FOXP2: variants seen among roughly 807,000 people sequenced by gnomAD.
FOXP2 encodes the protein forkhead box protein P2.
Under a neutral mutation model 115.8 loss-of-function variants are expected in FOXP2, and 12 were observed. The ratio of observed to expected loss-of-function variants is 0.10; its 90% CI spans 0.07 to 0.17. The LOEUF is 0.17. Ranked by LOEUF, FOXP2 falls within the 10% of genes least tolerant of loss-of-function variation. The pLI is 1.00. For synonymous variants in FOXP2, 328 were observed against 297.7 expected, an observed-to-expected ratio of 1.10 and a Z score of -1.05; for missense variants, 629 against 843.5, an observed-to-expected ratio of 0.75 and a Z score of 3.15.
At chr7:114,654,434 T>TA (rs1806459390) in intron 10 of FOXP2, among the ~76,000 whole-genome samples, 1 of 152,196 alleles carries the variant, frequency 6.6e-6, no homozygotes, top group African/African-American at 2.4e-5. Flanking sequence ...TTTTATCAAA[T>TA]ATTTTGTCAT....
At chr7:114,639,263 G>A (rs1031104544) in intron 6 of FOXP2, among the ~76,000 whole-genome samples, 1 of 152,100 alleles carries the variant, frequency 6.6e-6, no homozygotes, top group African/African-American at 2.4e-5. Context: ...TATTCATATA[G>A]AGTATGCCCT....
At chr7:114,565,255 C>G (rs1800955001) in intron 3 of FOXP2, among the ~76,000 whole-genome samples, 1 of 152,066 alleles carries the variant, frequency 6.6e-6, no homozygotes, top group Non-Finnish European at 1.5e-5. Flanking sequence ...ATTTTCCAAT[C>G]TCCTTTGGAT....
chr7:114,522,322 C>T (rs1236374338), intron 2 of FOXP2, among the ~76,000 whole-genome samples: 4 of 152,058 alleles, frequency 2.6e-5, no homozygotes, highest in African/African-American at 9.7e-5. Flanking sequence ...GTTTTTTCTA[C>T]CAGCCTGAGT....
chr7:114,330,518 A>G (rs1207980544), intron 2 of FOXP2, among the ~76,000 whole-genome samples: 1 of 148,912 alleles, frequency 6.7e-6, no homozygotes, highest in African/African-American at 2.5e-5. Flanking sequence ...ATATATGTAC[A>G]CACACACAAT....
At chr7:114,540,977 G>A (rs75819533) in intron 3 of FOXP2, among the ~76,000 whole-genome samples, 9,684 of 152,118 alleles carry the variant, frequency 0.064, 416 homozygotes, top group Middle Eastern at 0.15. Flanking sequence ...GTTTTTTGAT[G>A]AGGAAGTGAA....
intron 2 of FOXP2, among the ~76,000 whole-genome samples, chr7:114,350,821 A>G (rs1221262673): frequency 6.6e-6 from 1 of 152,148 alleles, no homozygotes; most frequent in African/African-American, 2.4e-5. Context: ...GACCTTCAGT[A>G]TCCATGGGGG....
At chr7:114,602,055 GCTTTT>G (rs1300693224) in intron 3 of FOXP2, among the ~76,000 whole-genome samples, 1 of 151,988 alleles carries the variant, frequency 6.6e-6, no homozygotes, top group South Asian at 2.1e-4. Context: ...ATGTATATCT[GCTTTT>G]CTTGAGTTAC....
intron 1 of FOXP2, among the ~76,000 whole-genome samples, chr7:114,127,047 C>T (rs1791729903): frequency 6.6e-6 from 1 of 152,186 alleles, no homozygotes; most frequent in Non-Finnish European, 1.5e-5. Flanking sequence ...GAAGTCTCAT[C>T]TGAATGCTCA....
At chr7:114,377,652 G>A (rs1792174689) in intron 2 of FOXP2, among the ~76,000 whole-genome samples, 1 of 152,178 alleles carries the variant, frequency 6.6e-6, no homozygotes, top group African/African-American at 2.4e-5. Flanking sequence ...CAGGTTTCTG[G>A]CGAAGGATGG....
At chr7:114,266,569 C>A (rs78390835) in intron 1 of FOXP2, among the ~76,000 whole-genome samples, 1 of 152,240 alleles carries the variant, frequency 6.6e-6, no homozygotes, top group East Asian at 1.9e-4. Context: ...CATGAGAACT[C>A]ACTCAGTGTC....
At chr7:114,516,931 T>C (rs1458344763) in intron 2 of FOXP2, among the ~76,000 whole-genome samples, 2 of 152,026 alleles carry the variant, frequency 1.3e-5, no homozygotes, top group Non-Finnish European at 2.9e-5. Flanking sequence ...CCTGACCTCA[T>C]GATCCACCTG....
chr7:114,158,663 A>G (rs1440499091), upstream of FOXP2, among the ~76,000 whole-genome samples: 2 of 152,052 alleles, frequency 1.3e-5, no homozygotes, highest in Non-Finnish European at 2.9e-5. Context: ...GATATTTATC[A>G]TATTATTCTT....
chr7:114,689,779 C>T lies in FOXP2; in HGVS notation c.2004-3C>T, dbSNP rs372363412. ...AATTTTGGTGTATCTACATGTTTTT[C>T]AGACATTCAATCCACGTCAAGGAAG... On this transcript the variant is annotated splice_region_variant and splice_polypyrimidine_tract_variant and intron_variant, in intron 16 of 16. Coordinates refer to ENST00000350908, the MANE Select transcript of FOXP2 (RefSeq NM_014491.4). 3.2e-5 allele frequency: 52 copies of T among 1,612,954 alleles called. No homozygotes were observed. The highest frequency in any genetic ancestry group is 4.3e-5 in the Non-Finnish European group (51 of 1,179,360).
At chr7:114,186,315 T>C (rs567534385) in intron 1 of FOXP2, among the ~76,000 whole-genome samples, 17 of 152,252 alleles carry the variant, frequency 1.1e-4, no homozygotes, top group Non-Finnish European at 2.1e-4. Context: ...CAAGGCACCA[T>C]TCATCTTGAG....
chr7:114,262,534 T>C (rs1372111233), intron 1 of FOXP2, among the ~76,000 whole-genome samples: 1 of 151,972 alleles, frequency 6.6e-6, no homozygotes, highest in Non-Finnish European at 1.5e-5. Context: ...AAATAAGAGA[T>C]TTTTTTTAAA....
At chr7:114,420,045 G>A (rs768550279) in intron 1 of FOXP2, among the ~76,000 whole-genome samples, 14 of 151,892 alleles carry the variant, frequency 9.2e-5, no homozygotes, top group Non-Finnish European at 4.4e-5. Context: ...ATGAGGATCC[G>A]TGGAAGAGCT....
chr7:114,579,792 A>G (rs1164424059), intron 3 of FOXP2, among the ~76,000 whole-genome samples: 1 of 152,200 alleles, frequency 6.6e-6, no homozygotes, highest in African/African-American at 2.4e-5. Flanking sequence ...CACTGAGCAT[A>G]TACTATGGAT....
At chr7:114,369,072 G>C (rs927191124) in intron 2 of FOXP2, among the ~76,000 whole-genome samples, 1 of 152,182 alleles carries the variant, frequency 6.6e-6, no homozygotes, top group Admixed American at 6.5e-5. Context: ...CTGCTAGCTG[G>C]AAACTCAGCC....
At chr7:114,307,197 A>G (rs1236074693) in intron 2 of FOXP2, among the ~76,000 whole-genome samples, 3 of 152,104 alleles carry the variant, frequency 2.0e-5, no homozygotes, top group Non-Finnish European at 4.4e-5. Flanking sequence ...GACAGGGGTT[A>G]GGATTAAATC....
Sources: allele counts gnomAD v4.1 joint callset (sites outside exome capture counted in the v4.1 genomes callset), GRCh38; gene constraint gnomAD v4.1.1; transcripts MANE v1.5; gene names NCBI Gene and HGNC (gene_info 2026-07-23, HGNC 2026-07-21).